The following CHM variants were observed in gnomAD, a reference collection of about 807,000 sequenced individuals.
CHM encodes the protein rab proteins geranylgeranyltransferase component A 1.
CHM carries 10 observed loss-of-function variants against 49.0 expected under a neutral mutation model. That is an observed-to-expected ratio of 0.20 (90% confidence interval 0.13 to 0.35). The LOEUF (loss-of-function observed/expected upper bound fraction) is 0.35. Among genes scored for constraint, CHM ranks in the 10% least tolerant of loss-of-function variants. The probability of loss-of-function intolerance (pLI) is 1.00; values close to 1 mark genes in which losing one functional copy is unlikely to be tolerated. For synonymous variants in CHM, 184 were observed against 167.5 expected (o/e 1.10, Z -0.76); for missense variants, 455 against 478.4 (o/e 0.95, Z 0.46).
At chrX:86,027,413 C>T in intron 2 of CHM, 78 bp downstream of exon 2, 1 of 788,555 alleles carries the variant, frequency 1.3e-6, no homozygotes, top group Middle Eastern at 2.8e-4. Context: ...TACGTACAGA[C>T]ATATATGTGT....
intron 12 of CHM, among the ~76,000 whole-genome samples, chrX:85,884,906 T>C (rs1603238566): frequency 9.0e-6 from 1 of 111,239 alleles, no homozygotes; most frequent in African/African-American, 3.3e-5. Flanking sequence ...TTATACATTT[T>C]ATCTTATTAC....
intron 2 of CHM, among the ~76,000 whole-genome samples, chrX:86,025,726 G>GA (rs147826568): frequency 0.31 from 30,340 of 98,075 alleles, 3,964 homozygotes; most frequent in East Asian, 0.58. Context: ...AAAAGAAAAA[G>GA]AAAAAAAAAA....
At chrX:86,034,917 T>C (rs1028439505) in intron 1 of CHM, among the ~76,000 whole-genome samples, 1 of 112,306 alleles carries the variant, frequency 8.9e-6, no homozygotes, top group African/African-American at 3.2e-5. Flanking sequence ...CAGACCATTC[T>C]GAGAACAGCA....
chrX:85,885,221 G>A (rs1603238674), intron 12 of CHM, among the ~76,000 whole-genome samples: 1 of 110,211 alleles, frequency 9.1e-6, no homozygotes, highest in East Asian at 2.9e-4. Flanking sequence ...CTAGTTAAGA[G>A]TAGAGTACCC....
intron 2 of CHM, among the ~76,000 whole-genome samples, chrX:85,986,854 T>C (rs1023007640): frequency 1.8e-5 from 2 of 110,352 alleles, no homozygotes; most frequent in Admixed American, 1.9e-4. Context: ...ATTCAGAATA[T>C]GGAAAGAAAT....
At position 85,929,768 on chromosome X, in the gene CHM, C is replaced by A. The variant is rs147401934; in HGVS notation, c.1167-18430G>T. Among the ~76,000 whole-genome samples, 369 of 111,913 alleles carry A rather than the reference C, an allele frequency of 3.3e-3. 3 individuals carry two copies. The highest frequency in any genetic ancestry group is 0.011 in the African/African-American group (352 of 30,779). On this transcript the variant is annotated intron_variant, in intron 8 of 14. Coordinates refer to ENST00000357749, the MANE Select transcript of CHM (RefSeq NM_000390.4). ...CAGCCCGAATTTATAGTCAATTCCT[C>A]CCTTTTCATTTAATATTAGTTTTAG... is the stretch of plus-strand genomic sequence containing the variant.
At chrX:85,981,634 C>A in intron 3 of CHM, 103 bp downstream of exon 3, 1 of 555,565 alleles carries the variant, frequency 1.8e-6, no homozygotes, top group South Asian at 3.0e-5. Flanking sequence ...AATAAAGAAT[C>A]AATCCTGTGT....
chrX:85,928,242 T>C (rs780693687), intron 8 of CHM, among the ~76,000 whole-genome samples: 27 of 112,274 alleles, frequency 2.4e-4, no homozygotes, highest in Non-Finnish European at 4.5e-4. Context: ...TTCGTACTAA[T>C]TTTAAATTAT....
rs750665466 is a variant in CHM at position 86,032,044 on chromosome X, T to C, written c.50-4487A>G. Reference sequence around the variant, plus strand: ...TTAATATTTCTAAGCTCAATTTTAATGGCACTTAAACTCTTGATTAATTTC... The same window carrying C: ...TTAATATTTCTAAGCTCAATTTTAACGGCACTTAAACTCTTGATTAATTTC... On this transcript the variant is annotated intron_variant, in intron 1 of 14. Coordinates refer to ENST00000357749, the MANE Select transcript of CHM (RefSeq NM_000390.4). 2.0e-4 allele frequency among the ~76,000 whole-genome samples: 22 copies of C among 112,470 alleles called. 1 individual carries two copies. The highest frequency in any genetic ancestry group is 6.1e-4 in the African/African-American group (19 of 30,998).
At chrX:85,995,260 TAAA>T (rs55742394) in intron 2 of CHM, among the ~76,000 whole-genome samples, 2 of 46,812 alleles carry the variant, frequency 4.3e-5, no homozygotes, top group East Asian at 1.4e-3. Flanking sequence ...CCTTATTACT[TAAA>T]AAAAAAAAAA....
Position 85,981,738 on chromosome X carries a change from T to C in CHM, c.188A>G (p.Gln63Arg), listed in dbSNP as rs1354740993. 8.5e-7 allele frequency: 1 copy of C among 1,180,751 alleles called. No individual in the cohort carries two copies. The change falls in exon 3 of 15, where the codon CAG (glutamine) becomes CGG (arginine). Residue 63 changes from glutamine to arginine, a missense_variant and splice_region_variant. Physicochemically the swap from Gln to Arg is conservative, Grantham distance 43. Coordinates refer to ENST00000357749, the MANE Select transcript of CHM (RefSeq NM_000390.4). Reference sequence around the variant, plus strand: ...TAAAAGGTCAGATACAAACTTTACCTGGTATTCCTTTAGCCAGGACAATAG... The same window carrying C: ...TAAAAGGTCAGATACAAACTTTACCCGGTATTCCTTTAGCCAGGACAATAG... ...SGLLSWLKEY[Q>R]ENSDIVSDSP...
At chrX:86,004,850 TCAA>T (rs1333448826) in intron 2 of CHM, among the ~76,000 whole-genome samples, 1 of 111,576 alleles carries the variant, frequency 9.0e-6, no homozygotes, top group African/African-American at 3.3e-5. Flanking sequence ...ATTAGACAGA[TCAA>T]CGAGACAGAA....
At chrX:86,034,493 T>A (rs1934160330) in intron 1 of CHM, among the ~76,000 whole-genome samples, 1 of 111,800 alleles carries the variant, frequency 8.9e-6, no homozygotes, top group Non-Finnish European at 1.9e-5. Flanking sequence ...TATTAGAAAG[T>A]GTGCAGGCTG....
chrX:85,920,617 T>C (rs901781056), intron 8 of CHM, among the ~76,000 whole-genome samples: 1 of 112,402 alleles, frequency 8.9e-6, no homozygotes, highest in East Asian at 2.8e-4. Flanking sequence ...ACACAACAGA[T>C]GTTTTACATG....
At chrX:85,986,631 T>G (rs1206473393) in intron 2 of CHM, among the ~76,000 whole-genome samples, 1 of 111,858 alleles carries the variant, frequency 8.9e-6, no homozygotes, top group African/African-American at 3.3e-5. Flanking sequence ...GTACGAAGCC[T>G]CGGTCCTGTG....
At chrX:86,037,730 T>G (rs1357709182) in intron 1 of CHM, among the ~76,000 whole-genome samples, 2 of 111,498 alleles carry the variant, frequency 1.8e-5, no homozygotes, top group African/African-American at 6.5e-5. Context: ...TGAAAATCAT[T>G]TTACAAAAAA....
intron 8 of CHM, among the ~76,000 whole-genome samples, chrX:85,941,200 CCTTT>C (rs1323347917): frequency 9.0e-6 from 1 of 111,728 alleles, no homozygotes; most frequent in African/African-American, 3.3e-5. Flanking sequence ...TTAACTAAAC[CCTTT>C]CTTTCTTGTT....
intron 8 of CHM, among the ~76,000 whole-genome samples, chrX:85,926,753 A>G (rs1928106292): frequency 9.0e-6 from 1 of 111,478 alleles, no homozygotes; most frequent in African/African-American, 3.2e-5. Context: ...AAATGCCTTA[A>G]GGGCACTCTG....
At chrX:85,899,632 G>A (rs1926117399) in intron 11 of CHM, among the ~76,000 whole-genome samples, 1 of 107,887 alleles carries the variant, frequency 9.3e-6, no homozygotes, top group South Asian at 4.2e-4. Context: ...AATATGACAA[G>A]CTGAGTACCC....
Sources: gnomAD v4.1 joint callset for allele counts (sites outside exome capture counted in the v4.1 genomes callset) on GRCh38, gnomAD v4.1.1 for gene constraint, MANE v1.5 for transcripts, NCBI Gene and HGNC (gene_info 2026-07-23, HGNC 2026-07-21) for gene names.